Variants in PARP12 observed in about 807,000 individuals in gnomAD.
The protein encoded by PARP12 is poly(ADP-ribose) polymerase family member 12.
PARP12 carries 59 observed loss-of-function variants against 72.4 expected under a neutral mutation model. The ratio of observed to expected loss-of-function variants is 0.81; its 90% CI spans 0.66 to 1.01. The LOEUF (loss-of-function observed/expected upper bound fraction) is 1.01. Ranked by LOEUF, PARP12 falls within the 50% of genes least tolerant of loss-of-function variation. The pLI, the probability that PARP12 is intolerant of heterozygous loss-of-function variation, is 0.00. For missense variants in PARP12, 851 were observed against 914.0 expected (o/e 0.93, Z 0.89); for synonymous variants, 403 against 371.4 (o/e 1.09, Z -0.98).
intron 1 of PARP12, among the ~76,000 whole-genome samples, chr7:140,061,871 GT>G (rs144065157): frequency 0.036 from 5,538 of 151,910 alleles, 203 homozygotes; most frequent in African/African-American, 0.096. Context: ...CAAATGGGAT[GT>G]GATCTTTAGG....
chr7:140,039,979 C>T (rs1408779313), intron 6 of PARP12, among the ~76,000 whole-genome samples: 1 of 152,154 alleles, frequency 6.6e-6, no homozygotes, highest in Admixed American at 6.5e-5. Context: ...TGGAGGAGAC[C>T]GGCCCCAACA....
intron 4 of PARP12, among the ~76,000 whole-genome samples, chr7:140,047,243 A>C (rs1479450573): frequency 6.6e-6 from 1 of 152,262 alleles, no homozygotes; most frequent in Non-Finnish European, 1.5e-5. Flanking sequence ...CTCTTGTTAC[A>C]ACTTAATCGC....
chr7:140,024,835 C>G lies in PARP12; in HGVS notation c.1831G>C (p.Asp611His). The change falls in exon 12 of 12, where the codon GAC becomes CAC. Residue 611 changes from aspartate (D) to histidine (H), a missense_variant. Transcript: ENST00000263549. ...AGGAACATCGTGTGGGTCTGCGTGT[C>G]GGATTTGCTGTAGTGGTGGGAATAT... ...AAYSHHYSKS[D>H]TQTHTMFLAR... The G allele has an allele frequency of 6.2e-7, 1 of 1,614,026 alleles. No homozygotes were observed. The highest frequency in any genetic ancestry group is 8.5e-7 in the Non-Finnish European group (1 of 1,179,954).
In PARP12 at chr7:140,024,529, C is replaced by T; in HGVS notation, c.*31G>A. On this transcript the variant is annotated 3_prime_UTR_variant, in exon 12 of 12. Coordinates refer to ENST00000263549, the MANE Select transcript of PARP12 (RefSeq NM_022750.4). ...CCCAAATAGCCATTTCAAGGCAGAG[C>T]AGGTGAAAGGCCTGGAACACTCCTG... 6.2e-7 allele frequency: 1 copy of T among 1,608,810 alleles called. No individual in the cohort carries two copies. Among genetic ancestry groups the T allele is most frequent in the Non-Finnish European group, 8.5e-7 (1 of 1,175,606 alleles).
In PARP12 at chr7:140,023,849, A is replaced by G. The variant is rs1815621792; in HGVS notation, c.*711T>C. The G allele has an allele frequency of 6.4e-6, 1 of 155,288 alleles. No individual in the cohort carries two copies. The highest frequency in any genetic ancestry group is 2.4e-5 in the African/African-American group (1 of 41,466). The allele number at this position is 155,288 out of a possible 1,614,324, so 9.6% of individuals were successfully genotyped here. On this transcript the variant is annotated 3_prime_UTR_variant, in exon 12 of 12. Coordinates refer to ENST00000263549, the MANE Select transcript of PARP12 (RefSeq NM_022750.4). Reference sequence around the variant, plus strand: ...TAAAACCCACACTCGAAGGGTGTCCAGTGTGCTTAGGAAATGTGGGTTTGC... The same window carrying G: ...TAAAACCCACACTCGAAGGGTGTCCGGTGTGCTTAGGAAATGTGGGTTTGC...
intron 1 of PARP12, among the ~76,000 whole-genome samples, chr7:140,061,983 C>CGGGGGGGGGGGGG: frequency 1.1e-5 from 1 of 89,934 alleles, no homozygotes; most frequent in Non-Finnish European, 2.2e-5. Context: ...CAGAAATGCC[C>CGGGGGGGGGGGGG]GGGGGGGGGG....
chr7:140,049,819 C>T (rs1236156283), intron 4 of PARP12, among the ~76,000 whole-genome samples: 1 of 152,214 alleles, frequency 6.6e-6, no homozygotes, highest in African/African-American at 2.4e-5. Flanking sequence ...AGCCTAGTCC[C>T]AGCACAGCGG....
At chr7:140,032,702 A>G (rs138836146) in intron 8 of PARP12, among the ~76,000 whole-genome samples, 2,598 of 152,344 alleles carry the variant, frequency 0.017, 36 homozygotes, top group Middle Eastern at 0.031. Flanking sequence ...GTGAAAACAA[A>G]AAAGGGTATA....
chr7:140,062,078 T>A (rs1817476057), intron 1 of PARP12, among the ~76,000 whole-genome samples: 1 of 151,828 alleles, frequency 6.6e-6, no homozygotes, highest in Non-Finnish European at 1.5e-5. Flanking sequence ...GTCTGCATTT[T>A]CCAGTTTGTA....
chr7:140,051,573 T>C (rs1315419908), intron 4 of PARP12, among the ~76,000 whole-genome samples: 1 of 152,096 alleles, frequency 6.6e-6, no homozygotes, highest in East Asian at 1.9e-4. Context: ...GTATTTTTAG[T>C]AGAGACAGGG....
intron 7 of PARP12, 93 bp from the exon 8 acceptor site, chr7:140,034,424 G>T: frequency 9.1e-7 from 1 of 1,096,852 alleles, no homozygotes; most frequent in Non-Finnish European, 1.3e-6. Context: ...AGATAGATTT[G>T]AAAGCTTATC....
chr7:140,025,386 AC>A, intron 11 of PARP12: 1 of 305,744 alleles, frequency 3.3e-6, no homozygotes, highest in Non-Finnish European at 6.6e-6. Flanking sequence ...CAAGTCTACC[AC>A]TGGCTGCTGT....
Position 140,062,607 on chromosome 7 carries a change from A to C in PARP12, c.241T>G (p.Ser81Ala). 6.6e-7 allele frequency: 1 copy of C among 1,511,994 alleles called. No individual in the cohort carries two copies. Among genetic ancestry groups the C allele is most frequent in the East Asian group, 2.7e-5 (1 of 37,066 alleles). The allele number at this position is 1,511,994 out of a possible 1,614,324, so 93.7% of individuals were successfully genotyped here. A position where few individuals can be genotyped will look rare whatever the true frequency, so the allele number is the denominator to read the frequency against. The change falls in exon 1 of 12, where the codon TCC (serine) becomes GCC (alanine). Residue 81 changes from serine to alanine, a missense_variant. Coordinates refer to ENST00000263549, the MANE Select transcript of PARP12 (RefSeq NM_022750.4). ...CAGAGCCCCACGCAGCCCGGCTTGG[A>C]GCCCTGGTGCGCGCGACACAGGCGC... is the stretch of plus-strand genomic sequence containing the variant. Reference protein sequence around the residue: ...PLRLCRAHQGSKPGCVGLCAQ... With the variant: ...PLRLCRAHQGAKPGCVGLCAQ...
At chr7:140,041,521 C>T (rs947597626) in intron 6 of PARP12, 123 bp downstream of exon 6, 2 of 963,746 alleles carry the variant, frequency 2.1e-6, no homozygotes, top group Non-Finnish European at 3.1e-6. Context: ...GTGAGCCACA[C>T]TGGCACCTGG....
At chr7:140,041,308 G>C (rs117855268) in intron 6 of PARP12, 3,403 of 230,818 alleles carry the variant, frequency 0.015, 44 homozygotes, top group Non-Finnish European at 0.023. Flanking sequence ...TGCACACATA[G>C]GCACCAGCTG....
rs1468848650 is a variant in PARP12 at position 140,035,992 on chromosome 7, G to C, written c.1325-1661C>G. ...AGGACGAGGAGGAGGAGGAGGAGGAGGAGGAGGAGAAGGAGGAGAAGGAGG... is the reference window on the plus strand; with the variant it reads ...AGGACGAGGAGGAGGAGGAGGAGGACGAGGAGGAGAAGGAGGAGAAGGAGG... On this transcript the variant is annotated intron_variant, in intron 7 of 11. Coordinates refer to ENST00000263549, the MANE Select transcript of PARP12 (RefSeq NM_022750.4). Among the ~76,000 whole-genome samples the C allele has an allele frequency of 1.3e-3, 105 of 83,306 alleles. 23 individuals carry two copies. Among genetic ancestry groups the C allele is most frequent in the African/African-American group, 7.6e-3 (87 of 11,438 alleles). 54.7% of individuals were successfully genotyped at this position (83,306 alleles called of 152,430 possible).
intron 1 of PARP12, among the ~76,000 whole-genome samples, chr7:140,059,370 A>T (rs1817345646): frequency 7.9e-6 from 1 of 126,288 alleles, no homozygotes; most frequent in Admixed American, 7.8e-5. Context: ...ATACACACAC[A>T]CACACACACA....
intron 10 of PARP12, among the ~76,000 whole-genome samples, 191 bp from the exon 11 acceptor site, chr7:140,026,539 C>T (rs41275027): frequency 3.3e-5 from 5 of 152,296 alleles, no homozygotes; most frequent in Non-Finnish European, 5.9e-5. Context: ...GAAGGGGGAT[C>T]GTGGGAGCTG....
At chr7:140,061,594 C>G (rs1022281122) in intron 1 of PARP12, among the ~76,000 whole-genome samples, 2 of 152,182 alleles carry the variant, frequency 1.3e-5, no homozygotes, top group Non-Finnish European at 2.9e-5. Flanking sequence ...CTTAGACTTC[C>G]TAAAACGCAA....
Sources: allele counts gnomAD v4.1 joint callset (sites outside exome capture counted in the v4.1 genomes callset), GRCh38; gene constraint gnomAD v4.1.1; transcripts MANE v1.5; gene names NCBI Gene and HGNC (gene_info 2026-07-23, HGNC 2026-07-21).